The following RNF152 variants were observed in gnomAD, a reference collection of about 807,000 sequenced individuals.
RNF152 encodes E3 ubiquitin-protein ligase RNF152.
Under a neutral mutation model 12.7 loss-of-function variants are expected in RNF152, and 11 were observed. That is an observed-to-expected ratio of 0.86 (90% CI 0.54 to 1.43). The LOEUF (loss-of-function observed/expected upper bound fraction) is 1.43, where lower values mean the gene tolerates loss of function less well. Ranked by LOEUF, RNF152 falls within the 40% of genes most tolerant of loss-of-function variation. RNF152 has a pLI of 0.00. For synonymous variants in RNF152, 113 were observed against 120.3 expected, an observed-to-expected ratio of 0.94 and a Z score of 0.40; for missense variants, 255 against 274.8, an observed-to-expected ratio of 0.93 and a Z score of 0.51.
intron 1 of RNF152, among the ~76,000 whole-genome samples, chr18:61,818,431 AAAAAAAC>A (rs780239790): frequency 1.4e-4 from 21 of 152,204 alleles, no homozygotes; most frequent in South Asian, 2.1e-4. Context: ...TCAAATTAAA[AAAAAAAC>A]AAAAAACAAA....
chr18:61,877,106 C>T (rs1376272731), intron 1 of RNF152, among the ~76,000 whole-genome samples: 1 of 152,204 alleles, frequency 6.6e-6, no homozygotes, highest in Non-Finnish European at 1.5e-5. Context: ...AAGCTTCCAG[C>T]CATCGAAAGA....
chr18:61,848,782 G>T (rs754516197), intron 1 of RNF152, among the ~76,000 whole-genome samples: 1 of 152,190 alleles, frequency 6.6e-6, no homozygotes, highest in Admixed American at 6.5e-5. Flanking sequence ...GGGGACAAGG[G>T]GCTAAGGCAG....
In RNF152 at chr18:61,812,582, G is replaced by C. The variant is rs1172276746; in HGVS notation, c.*3270C>G. The C allele has an allele frequency of 6.6e-6, 1 of 151,986 alleles. No homozygotes were observed. The highest frequency in any genetic ancestry group is 1.5e-5 in the Non-Finnish European group (1 of 67,996). The allele number at this position is 151,986 out of a possible 1,614,324, so 9.4% of individuals were successfully genotyped here. ...ACAATGCTTCTTAGTAGCATTCTTGGCTCTACTTAACATATTAAGCATTCT... is the reference window on the plus strand; with the variant it reads ...ACAATGCTTCTTAGTAGCATTCTTGCCTCTACTTAACATATTAAGCATTCT... On this transcript the variant is annotated 3_prime_UTR_variant, in exon 2 of 2. Transcript: ENST00000312828.
intron 1 of RNF152, among the ~76,000 whole-genome samples, chr18:61,838,898 C>G (rs1049908298): frequency 6.6e-6 from 1 of 152,100 alleles, no homozygotes; most frequent in Non-Finnish European, 1.5e-5. Context: ...GCCCTCTCAT[C>G]CTCCTTGTCC....
At chr18:61,881,857 A>T (rs188078020) in intron 1 of RNF152, among the ~76,000 whole-genome samples, 1 of 152,252 alleles carries the variant, frequency 6.6e-6, no homozygotes, top group Non-Finnish European at 1.5e-5. Context: ...CTCAGAGAAG[A>T]CATTTTTCCT....
At chr18:61,824,940 CAGAT>C (rs1043032675) in intron 1 of RNF152, among the ~76,000 whole-genome samples, 3 of 152,158 alleles carry the variant, frequency 2.0e-5, no homozygotes, top group Admixed American at 6.5e-5. Flanking sequence ...AAGATGCTGA[CAGAT>C]AGACAGACAG....
chr18:61,850,959 A>G (rs534662060), intron 1 of RNF152, among the ~76,000 whole-genome samples: 10 of 152,180 alleles, frequency 6.6e-5, no homozygotes, highest in Admixed American at 2.6e-4. Flanking sequence ...TTGCTTTCAT[A>G]CATGATTGGC....
At chr18:61,823,955 C>T (rs745980347) in intron 1 of RNF152, among the ~76,000 whole-genome samples, 15 of 152,278 alleles carry the variant, frequency 9.9e-5, no homozygotes, top group South Asian at 4.1e-4. Flanking sequence ...CAAAACTCAA[C>T]TAACCAAGCA....
chr18:61,820,349 A>C (rs997402877), intron 1 of RNF152, among the ~76,000 whole-genome samples: 1 of 150,628 alleles, frequency 6.6e-6, no homozygotes, highest in African/African-American at 2.4e-5. Context: ...AAAAAAAAAA[A>C]AAAAAAAAAA....
At chr18:61,858,854 C>T (rs543197268) in intron 1 of RNF152, among the ~76,000 whole-genome samples, 9 of 152,232 alleles carry the variant, frequency 5.9e-5, no homozygotes, top group African/African-American at 1.7e-4. Context: ...ACAGAGATCC[C>T]GTTTTAATAG....
intron 1 of RNF152, among the ~76,000 whole-genome samples, chr18:61,821,682 G>A (rs953594706): frequency 2.6e-5 from 4 of 152,168 alleles, no homozygotes; most frequent in African/African-American, 9.7e-5. Flanking sequence ...TCTACAACCT[G>A]TAAGGAACCA....
At chr18:61,885,998 T>C (rs1334903705) in intron 1 of RNF152, among the ~76,000 whole-genome samples, 4 of 145,134 alleles carry the variant, frequency 2.8e-5, no homozygotes, top group Admixed American at 6.9e-5. Flanking sequence ...TTTTTTTTTT[T>C]TTTTTTTTTT....
chr18:61,808,369 G>A lies in RNF152; in HGVS notation c.*7483C>T, dbSNP rs1438490669. The stretch of plus-strand genomic sequence containing the variant: ...ACACAGCCCAGCAGCTCATTTATCT[G>A]TAGGGCTATTTGGCCCTTAAAAAAA... On this transcript the variant is annotated 3_prime_UTR_variant, in exon 2 of 2. Coordinates refer to ENST00000312828, the MANE Select transcript of RNF152 (RefSeq NM_173557.3). 1 of 120,456 alleles carries A rather than the reference G, an allele frequency of 8.3e-6. No individual in the cohort carries two copies. The highest frequency in any genetic ancestry group is 2.6e-4 in the East Asian group (1 of 3,794). The allele number at this position is 120,456 out of a possible 1,614,324, so 7.5% of individuals were successfully genotyped here.
chr18:61,885,745 G>C (rs1202827991), intron 1 of RNF152, among the ~76,000 whole-genome samples: 1 of 152,102 alleles, frequency 6.6e-6, no homozygotes, highest in Non-Finnish European at 1.5e-5. Flanking sequence ...ATGTGAATGA[G>C]TATTCCAAAA....
intron 1 of RNF152, among the ~76,000 whole-genome samples, chr18:61,824,332 T>A (rs1352828426): frequency 6.6e-6 from 1 of 152,224 alleles, no homozygotes; most frequent in Non-Finnish European, 1.5e-5. Flanking sequence ...TAAAGCACCT[T>A]CTAGTAAAAA....
At chr18:61,879,794 T>C (rs1297318522) in intron 1 of RNF152, among the ~76,000 whole-genome samples, 1 of 151,602 alleles carries the variant, frequency 6.6e-6, no homozygotes, top group African/African-American at 2.4e-5. Context: ...AGAAACCCCA[T>C]CTCTACTGAA....
At chr18:61,842,150 T>C (rs1219361115) in intron 1 of RNF152, among the ~76,000 whole-genome samples, 1 of 152,248 alleles carries the variant, frequency 6.6e-6, no homozygotes, top group Non-Finnish European at 1.5e-5. Flanking sequence ...TCATATTCAC[T>C]TTGTTATTTT....
At chr18:61,844,027 AG>A (rs1181805735) in intron 1 of RNF152, among the ~76,000 whole-genome samples, 1 of 150,706 alleles carries the variant, frequency 6.6e-6, no homozygotes, top group Non-Finnish European at 1.5e-5. Context: ...GAGAAAAGAA[AG>A]AGAGAGAGAA....
chr18:61,827,554 C>T (rs904859453), intron 1 of RNF152, among the ~76,000 whole-genome samples: 1 of 152,140 alleles, frequency 6.6e-6, no homozygotes, highest in African/African-American at 2.4e-5. Flanking sequence ...TCTATATTAA[C>T]ACTTGGAAAG....
Sources: allele counts gnomAD v4.1 joint callset (sites outside exome capture counted in the v4.1 genomes callset), GRCh38; gene constraint gnomAD v4.1.1; transcripts MANE v1.5; gene names NCBI Gene and HGNC (gene_info 2026-07-23, HGNC 2026-07-21).